ANO2: variants seen among roughly 807,000 people sequenced by gnomAD.
ANO2 encodes anoctamin-2.
In ANO2, 101 loss-of-function variants were observed where a neutral mutation model predicts 124.2. The ratio of observed to expected loss-of-function variants is 0.81; its 90% CI spans 0.69 to 0.96. The LOEUF is 0.96. ANO2 is among the 40% of genes least tolerant of loss of function. The pLI, the probability that ANO2 is intolerant of heterozygous loss-of-function variation, is 0.00. For synonymous variants in ANO2, 486 were observed against 482.5 expected (o/e 1.01, Z -0.09); for missense variants, 1,293 against 1,274.5 (o/e 1.01, Z -0.22).
chr12:5,866,281 T>C (rs1955426070), intron 3 of ANO2, among the ~76,000 whole-genome samples: 1 of 151,924 alleles, frequency 6.6e-6, no homozygotes, highest in African/African-American at 2.4e-5. Flanking sequence ...GCAAGGGGGA[T>C]CAGTGAGAAA....
At position 5,610,819 on chromosome 12, in the gene ANO2, T is replaced by TACACACACAC. The variant is rs766401385; in HGVS notation, c.2087+1827_2087+1836dup. On this transcript the variant is annotated intron_variant, in intron 19 of 24. Transcript: ENST00000682330. ...TGGCCCAGCCCATCAGAGTTGTCCA[T>TACACACACAC]ACACACACACACACACACACACACA... Among the ~76,000 whole-genome samples, 446 of 110,836 alleles carry TACACACACAC rather than the reference T, an allele frequency of 4.0e-3. 3 individuals are homozygous for TACACACACAC. The highest frequency in any genetic ancestry group is 0.013 in the South Asian group (46 of 3,498). 72.7% of individuals were successfully genotyped at this position (110,836 alleles called of 152,430 possible). A position where few individuals can be genotyped will look rare whatever the true frequency, so the allele number is the denominator to read the frequency against.
intron 14 of ANO2, among the ~76,000 whole-genome samples, chr12:5,691,650 T>A (rs777655526): frequency 1.3e-5 from 2 of 152,062 alleles, no homozygotes; most frequent in Non-Finnish European, 2.9e-5. Context: ...ACACCTATAA[T>A]TCTGGCATTT....
chr12:5,563,553 G>A lies in ANO2; in HGVS notation c.2743C>T (p.Leu915=), dbSNP rs201870276. 115 of 1,613,994 alleles carry A rather than the reference G, an allele frequency of 7.1e-5. No homozygotes were observed. The highest frequency in any genetic ancestry group is 1.6e-4 in the Middle Eastern group (1 of 6,062). ...VIIFQNLVMF[L]SVLVDWMIPD... is the part of the protein sequence containing the mutation. ...ATCATCCAGTCCACGAGGACGCTCAGGAACATCACGAGGTTCTGCAAAAAG... is the reference window on the plus strand; with the variant it reads ...ATCATCCAGTCCACGAGGACGCTCAAGAACATCACGAGGTTCTGCAAAAAG... Residue 915 remains leucine (L), a synonymous_variant, in exon 25 of 25, where the codon CTG becomes TTG. Transcript: ENST00000682330.
Position 5,635,066 on chromosome 12 carries a change from C to T in ANO2, c.1816+86G>A. ...TGTACAAAGCATCCTGTCCCTGTCC[C>T]ATTTTTTTTATTTTATCACCAAAAG... On this transcript the variant is annotated intron_variant, in intron 16 of 24. Coordinates refer to ENST00000682330, the MANE Select transcript of ANO2 (RefSeq NM_001364791.2). The surrounding 1 kb of genome is among the most constrained non-coding windows in gnomAD (Gnocchi z 5.2). 1 of 1,226,162 alleles carries T rather than the reference C, an allele frequency of 8.2e-7. No homozygotes were observed. Among genetic ancestry groups the T allele is most frequent in the South Asian group, 1.8e-5 (1 of 56,010 alleles). 76.0% of individuals were successfully genotyped at this position (1,226,162 alleles called of 1,614,324 possible).
intron 19 of ANO2, among the ~76,000 whole-genome samples, chr12:5,607,201 G>A (rs193108019): frequency 1.3e-5 from 2 of 152,004 alleles, no homozygotes; most frequent in African/African-American, 4.8e-5. Context: ...AAGAGAAAAC[G>A]ACTGTCCCTG....
intron 15 of ANO2, among the ~76,000 whole-genome samples, chr12:5,640,901 T>G (rs1418368780): frequency 1.3e-5 from 2 of 152,136 alleles, no homozygotes; most frequent in Non-Finnish European, 2.9e-5. Flanking sequence ...TATAAATCAA[T>G]CTACTATAAA....
At chr12:5,931,023 A>C (rs1942345273) in intron 1 of ANO2, among the ~76,000 whole-genome samples, 1 of 152,116 alleles carries the variant, frequency 6.6e-6, no homozygotes, top group African/African-American at 2.4e-5. Flanking sequence ...TGATAGAAGT[A>C]AGCTGGCCTT....
intron 15 of ANO2, among the ~76,000 whole-genome samples, chr12:5,640,295 G>C (rs545881090): frequency 3.6e-4 from 55 of 152,174 alleles, no homozygotes; most frequent in African/African-American, 1.3e-3. Context: ...TGAGAGATAC[G>C]GTAGGTGTCT....
intron 19 of ANO2, among the ~76,000 whole-genome samples, chr12:5,601,378 A>C (rs1332132508): frequency 6.6e-6 from 1 of 152,190 alleles, no homozygotes; most frequent in African/African-American, 2.4e-5. Context: ...GAATTTCATA[A>C]GAAAAATTTC....
At chr12:5,698,003 T>C (rs1403177911) in intron 14 of ANO2, among the ~76,000 whole-genome samples, 3 of 152,212 alleles carry the variant, frequency 2.0e-5, no homozygotes, top group Non-Finnish European at 4.4e-5. Context: ...GAGGCCTGCC[T>C]GCCTCTGTAG....
intron 14 of ANO2, among the ~76,000 whole-genome samples, chr12:5,661,657 T>C (rs957424942): frequency 2.6e-5 from 4 of 152,118 alleles, no homozygotes; most frequent in Non-Finnish European, 5.9e-5. Flanking sequence ...ATGAGGGCGA[T>C]GCCACTGGGT....
chr12:5,911,660 GATA>G (rs1369864655), intron 3 of ANO2, among the ~76,000 whole-genome samples: 2 of 152,202 alleles, frequency 1.3e-5, no homozygotes, highest in Admixed American at 1.3e-4. Context: ...CAGATAGGGA[GATA>G]ATAACTTTGC....
chr12:5,766,267 A>T (rs1028056560), intron 10 of ANO2, among the ~76,000 whole-genome samples: 1 of 152,210 alleles, frequency 6.6e-6, no homozygotes, highest in Non-Finnish European at 1.5e-5. Context: ...TCAGAGCAAC[A>T]CTATTTATAA....
intron 1 of ANO2, among the ~76,000 whole-genome samples, chr12:5,924,965 T>TA (rs1328218080): frequency 1.3e-5 from 2 of 152,134 alleles, no homozygotes; most frequent in Non-Finnish European, 2.9e-5. Flanking sequence ...CTCAGGGCTC[T>TA]AAAAAAGGGG....
At chr12:5,652,110 T>C (rs915460362) in intron 14 of ANO2, among the ~76,000 whole-genome samples, 3 of 152,212 alleles carry the variant, frequency 2.0e-5, no homozygotes, top group Admixed American at 6.5e-5. Context: ...CCTTGGATAA[T>C]TACCAAGAAA....
chr12:5,605,832 C>T (rs1483477786), intron 19 of ANO2, among the ~76,000 whole-genome samples: 1 of 152,076 alleles, frequency 6.6e-6, no homozygotes, highest in Non-Finnish European at 1.5e-5. Flanking sequence ...CCACGCTGCT[C>T]GCCATGTATG....
chr12:5,772,307 C>T (rs73253288), intron 10 of ANO2, among the ~76,000 whole-genome samples: 3,880 of 152,300 alleles, frequency 0.025, 160 homozygotes, highest in African/African-American at 0.088. Flanking sequence ...GGAGTTATTA[C>T]ATCAATTACA....
intron 14 of ANO2, among the ~76,000 whole-genome samples, chr12:5,669,238 T>C (rs1947875295): frequency 6.6e-6 from 1 of 152,162 alleles, no homozygotes; most frequent in Admixed American, 6.5e-5. Context: ...GTGGTTCTCC[T>C]TGAAGAGGTC....
At chr12:5,599,830 C>A (rs903799745) in intron 19 of ANO2, among the ~76,000 whole-genome samples, 1 of 152,212 alleles carries the variant, frequency 6.6e-6, no homozygotes, top group Non-Finnish European at 1.5e-5. Flanking sequence ...ATCGTGCAGA[C>A]TCCCTCCACA....
Sources: gnomAD v4.1 joint callset for allele counts (sites outside exome capture counted in the v4.1 genomes callset) on GRCh38, gnomAD v4.1.1 for gene constraint, Gnocchi (gnomAD v3.1) non-coding constraint, MANE v1.5 for transcripts, NCBI Gene and HGNC (gene_info 2026-07-23, HGNC 2026-07-21) for gene names.